Variants in OPA1 observed in about 807,000 individuals in gnomAD.
OPA1 encodes OPA1 mitochondrial dynamin like GTPase, also known as dynamin-like GTPase OPA1, mitochondrial.
In OPA1, 59 loss-of-function variants were observed where a neutral mutation model predicts 152.9. The observed-to-expected ratio is 0.39, with a 90% confidence interval of 0.31 to 0.48. The LOEUF (loss-of-function observed/expected upper bound fraction) is 0.48. Ranked by LOEUF, OPA1 falls within the 20% of genes least tolerant of loss-of-function variation. The pLI is 0.96. For synonymous variants in OPA1, 400 were observed against 389.9 expected, an observed-to-expected ratio of 1.03 and a Z score of -0.31; for missense variants, 1,008 against 1,216.8, an observed-to-expected ratio of 0.83 and a Z score of 2.55.
chr3:193,679,188 C>T lies in OPA1; in HGVS notation c.2983+11908C>T, dbSNP rs7615271. 8.2e-3 allele frequency among the ~76,000 whole-genome samples: 1,252 copies of T among 152,190 alleles called. 15 individuals carry two copies. The highest frequency in any genetic ancestry group is 0.023 in the African/African-American group (951 of 41,526). The stretch of plus-strand genomic sequence containing the variant: ...ACTTAAGTGCAGCAGACCACCATGG[C>T]ACACGTATACCTGTGTAGCCTGCAC... On this transcript the variant is annotated intron_variant, in intron 29 of 30. Transcript: ENST00000361510.
intron 5 of OPA1, 113 bp from the exon 6 acceptor site, chr3:193,618,750 TTGAATC>T (rs1434932902): frequency 1.1e-4 from 88 of 811,192 alleles, no homozygotes; most frequent in Non-Finnish European, 1.4e-4. Context: ...ATTTGATTCT[TTGAATC>T]TGAGTTGCTC....
At chr3:193,617,634 A>ATTGTTT (rs1313330876) in intron 4 of OPA1, 150 bp from the exon 5 acceptor site, 3 of 700,900 alleles carry the variant, frequency 4.3e-6, no homozygotes, top group Non-Finnish European at 7.6e-6. Context: ...ATGATAGACC[A>ATTGTTT]TAATGAGTAG....
Position 193,617,694 on chromosome 3 carries a change from T to C in OPA1, c.557-90T>C, listed in dbSNP as rs545164411. 55 of 949,470 alleles carry C rather than the reference T, an allele frequency of 5.8e-5. No homozygotes were observed. In the African/African-American group the frequency reaches 8.0e-4, roughly 14 times the overall value. 58.8% of individuals were successfully genotyped at this position (949,470 alleles called of 1,614,324 possible). A position where few individuals can be genotyped will look rare whatever the true frequency, so the allele number is the denominator to read the frequency against. On this transcript the variant is annotated intron_variant, in intron 4 of 30. Transcript: ENST00000361510. ...TATTTGCCCAATTATTGCCCTATCG[T>C]AATATGAAATCTGAGATCTCAGACA...
chr3:193,615,764 G>A lies in OPA1; in HGVS notation c.442G>A (p.Asp148Asn), dbSNP rs758124618. 8.1e-6 allele frequency: 13 copies of A among 1,595,522 alleles called. 1 individual carries two copies. In the South Asian group the frequency reaches 1.2e-4, roughly 15 times the overall value. Residue 148 changes from aspartate (D) to asparagine (N), a missense_variant, in exon 3 of 31, where the codon GAT becomes AAT. Asp to Asn is a conservative substitution (Grantham distance 23). Transcript: ENST00000361510. ...TGTGTGGGAAATTGATGAGTATATC[G>A]ATTTTGGTTTGTATCATGAACATTA... The part of the protein sequence containing the change: ...DIVWEIDEYI[D>N]FEKIRKALPS...
chr3:193,601,487 T>C (rs1226542800), intron 1 of OPA1, among the ~76,000 whole-genome samples: 2 of 152,192 alleles, frequency 1.3e-5, no homozygotes, highest in Non-Finnish European at 2.9e-5. Context: ...GGCCACCTAG[T>C]TGTATTTGAG....
intron 1 of OPA1, among the ~76,000 whole-genome samples, chr3:193,611,497 T>C (rs1728231663): frequency 6.7e-6 from 1 of 148,190 alleles, no homozygotes; most frequent in South Asian, 2.1e-4. Flanking sequence ...CTCGGGAGGC[T>C]GAGGCAAGAG....
At chr3:193,597,960 T>G (rs1370634494) in intron 1 of OPA1, among the ~76,000 whole-genome samples, 3 of 151,998 alleles carry the variant, frequency 2.0e-5, no homozygotes, top group African/African-American at 7.2e-5. Flanking sequence ...ACACCTCTAG[T>G]CCCAGCTATT....
At chr3:193,614,269 T>A (rs960571536) in intron 1 of OPA1, among the ~76,000 whole-genome samples, 1 of 152,252 alleles carries the variant, frequency 6.6e-6, no homozygotes, top group Admixed American at 6.5e-5. Flanking sequence ...AAAGTTTGCA[T>A]GCATTTTTGT....
chr3:193,623,428 T>G (rs1730512934), intron 6 of OPA1, among the ~76,000 whole-genome samples: 1 of 152,112 alleles, frequency 6.6e-6, no homozygotes, highest in South Asian at 2.1e-4. Flanking sequence ...TATTACTAAT[T>G]TTCTTGATCT....
chr3:193,693,794 A>C (rs539954490), intron 30 of OPA1, among the ~76,000 whole-genome samples: 1 of 152,196 alleles, frequency 6.6e-6, no homozygotes, highest in Non-Finnish European at 1.5e-5. Flanking sequence ...AAAACCATTA[A>C]GTGTTACAAT....
At chr3:193,593,565 A>C (rs996305213) in intron 1 of OPA1, among the ~76,000 whole-genome samples, 156 bp downstream of exon 1, 7 of 152,172 alleles carry the variant, frequency 4.6e-5, no homozygotes, top group African/African-American at 1.7e-4. Context: ...GAATGACAGG[A>C]GCCCTGGCTG....
intron 1 of OPA1, among the ~76,000 whole-genome samples, chr3:193,610,035 T>C (rs911730604): frequency 6.6e-6 from 1 of 152,248 alleles, no homozygotes; most frequent in African/African-American, 2.4e-5. Context: ...TTCTCTCAGC[T>C]CGTCAAAGTC....
chr3:193,688,016 G>A (rs1038237609), intron 29 of OPA1, among the ~76,000 whole-genome samples: 10 of 151,892 alleles, frequency 6.6e-5, no homozygotes, highest in African/African-American at 2.4e-4. Context: ...AGCTTTCTTT[G>A]ACTTTCATTA....
intron 6 of OPA1, among the ~76,000 whole-genome samples, chr3:193,620,057 G>A (rs1029871592): frequency 6.6e-6 from 1 of 152,032 alleles, no homozygotes; most frequent in African/African-American, 2.4e-5. Context: ...ACTCTTGATT[G>A]TTCATGCTAC....
At position 193,667,287 on chromosome 3, in the gene OPA1, A is replaced by G. The variant is rs746947267; in HGVS notation, c.2983+7A>G. The G allele has an allele frequency of 1.6e-6, 2 of 1,244,324 alleles. No homozygotes were observed. The highest frequency in any genetic ancestry group is 2.4e-5 in the South Asian group (2 of 83,694). The allele number at this position is 1,244,324 out of a possible 1,614,324, so 77.1% of individuals were successfully genotyped here. ...CAACTGGCGGAAGACCTCAGTGAGT[A>G]GTTCTTACTGCCCTCTACCTTACTA... On this transcript the variant is annotated splice_region_variant and intron_variant, in intron 29 of 30. Coordinates refer to ENST00000361510, the MANE Select transcript of OPA1 (RefSeq NM_130837.3).
intron 25 of OPA1, among the ~76,000 whole-genome samples, chr3:193,660,123 A>G (rs1353830262): frequency 6.6e-6 from 1 of 152,112 alleles, no homozygotes; most frequent in South Asian, 2.1e-4. Context: ...AAAAAATAGT[A>G]AGGTTTTCAG....
chr3:193,617,690 A>G (rs1249908400), intron 4 of OPA1, 94 bp from the exon 5 acceptor site: 8 of 907,616 alleles, frequency 8.8e-6, no homozygotes, highest in East Asian at 4.8e-5. Flanking sequence ...TTATTGCCCT[A>G]TCGTAATATG....
intron 1 of OPA1, among the ~76,000 whole-genome samples, chr3:193,605,299 G>A (rs927155862): frequency 1.3e-5 from 2 of 152,144 alleles, no homozygotes; most frequent in African/African-American, 2.4e-5. Flanking sequence ...TTTATTAATT[G>A]CCTGTAAATC....
Position 193,667,296 on chromosome 3 carries a change from T to C in OPA1, c.2983+16T>C. The C allele has an allele frequency of 1.8e-6, 2 of 1,098,500 alleles. No homozygotes were observed. Among genetic ancestry groups the C allele is most frequent in the Non-Finnish European group, 1.4e-6 (1 of 708,448 alleles). The allele number at this position is 1,098,500 out of a possible 1,614,324, so 68.0% of individuals were successfully genotyped here. A position where few individuals can be genotyped will look rare whatever the true frequency, so the allele number is the denominator to read the frequency against. On this transcript the variant is annotated intron_variant, in intron 29 of 30. Transcript: ENST00000361510. ...GAAGACCTCAGTGAGTAGTTCTTAC[T>C]GCCCTCTACCTTACTACCTTTCCAC...
Sources: gnomAD v4.1 joint callset for allele counts (sites outside exome capture counted in the v4.1 genomes callset) on GRCh38, gnomAD v4.1.1 for gene constraint, MANE v1.5 for transcripts, NCBI Gene and HGNC (gene_info 2026-07-23, HGNC 2026-07-21) for gene names.